STX18: variants seen among roughly 807,000 people sequenced by gnomAD.
The protein encoded by STX18 is syntaxin-18.
Under a neutral mutation model 50.1 loss-of-function variants are expected in STX18, and 40 were observed. The ratio of observed to expected loss-of-function variants is 0.80; its 90% CI spans 0.62 to 1.04. STX18 has a LOEUF of 1.04. Among genes scored for constraint, STX18 ranks in the 50% least tolerant of loss-of-function variants. STX18 has a pLI of 0.00. For missense variants in STX18, 410 were observed against 415.8 expected, an observed-to-expected ratio of 0.99 and a Z score of 0.12; for synonymous variants, 158 against 151.8, an observed-to-expected ratio of 1.04 and a Z score of -0.30.
intron 1 of STX18, among the ~76,000 whole-genome samples, chr4:4,472,683 A>C (rs1296717328): frequency 6.6e-6 from 1 of 151,778 alleles, no homozygotes; most frequent in African/African-American, 2.4e-5. Context: ...TTATATACAC[A>C]CTTCTTTGTC....
chr4:4,485,588 C>T (rs541655626), intron 1 of STX18, among the ~76,000 whole-genome samples: 2 of 152,234 alleles, frequency 1.3e-5, no homozygotes, highest in East Asian at 1.9e-4. Context: ...AAGCAAGATA[C>T]TCTTAGTAGA....
rs142278096 is a variant in STX18 at position 4,524,460 on chromosome 4, T to C, written c.168+17337A>G. Among the ~76,000 whole-genome samples the C allele has an allele frequency of 2.9e-3, 439 of 152,296 alleles. 3 individuals carry two copies. Among genetic ancestry groups the C allele is most frequent in the African/African-American group, 9.7e-3 (402 of 41,554 alleles). Reference sequence around the variant, plus strand: ...TCCTTTTAGTGGCAACAGGAGTGGATTGAGGATAAGAATATCACTCAATTT... The same window carrying C: ...TCCTTTTAGTGGCAACAGGAGTGGACTGAGGATAAGAATATCACTCAATTT... On this transcript the variant is annotated intron_variant, in intron 1 of 10. Coordinates refer to ENST00000306200, the MANE Select transcript of STX18 (RefSeq NM_016930.4).
chr4:4,427,035 TC>T (rs1291254821), intron 7 of STX18, among the ~76,000 whole-genome samples: 2 of 152,146 alleles, frequency 1.3e-5, no homozygotes, highest in African/African-American at 4.8e-5. Context: ...GTTACCAAGT[TC>T]CCCTGTACTT....
rs949936670 is a variant in STX18, at chr4:4,442,497, G to C, written c.498-3988C>G. Among the ~76,000 whole-genome samples the C allele has an allele frequency of 1.3e-5, 2 of 152,096 alleles. 1 individual carries two copies. Among genetic ancestry groups the C allele is most frequent in the Admixed American group, 1.3e-4 (2 of 15,286 alleles). ...CCGGGCGTGGTGGCACGCACCTGTA[G>C]TCCCAGCTACTCAGGAGGCTGAGGT... On this transcript the variant is annotated intron_variant, in intron 5 of 10. Transcript: ENST00000306200.
chr4:4,508,751 C>G (rs1326199106), intron 1 of STX18, among the ~76,000 whole-genome samples: 4 of 152,168 alleles, frequency 2.6e-5, no homozygotes, highest in Non-Finnish European at 4.4e-5. Context: ...GTTGCTCCCC[C>G]ACCATGTGTC....
chr4:4,467,092 C>T (rs1442172730), intron 2 of STX18, among the ~76,000 whole-genome samples: 3 of 152,064 alleles, frequency 2.0e-5, no homozygotes, highest in African/African-American at 7.2e-5. Context: ...CTGAAAATAC[C>T]TCTAACATCA....
At chr4:4,536,113 C>T (rs146274953) in intron 1 of STX18, among the ~76,000 whole-genome samples, 3 of 152,330 alleles carry the variant, frequency 2.0e-5, no homozygotes, top group Non-Finnish European at 4.4e-5. Flanking sequence ...ATAAAAGCTA[C>T]TATTTACTGA....
chr4:4,454,067 G>T (rs921378862), intron 5 of STX18, among the ~76,000 whole-genome samples: 1 of 152,248 alleles, frequency 6.6e-6, no homozygotes, highest in African/African-American at 2.4e-5. Context: ...CTCAGGAGTT[G>T]TCACACTACT....
intron 1 of STX18, among the ~76,000 whole-genome samples, chr4:4,473,453 C>T (rs755477919): frequency 2.0e-5 from 3 of 151,966 alleles, no homozygotes; most frequent in Admixed American, 2.0e-4. Flanking sequence ...CCACCACACC[C>T]GGCTAATTTT....
chr4:4,528,288 G>C (rs895801448), intron 1 of STX18, among the ~76,000 whole-genome samples: 11 of 152,094 alleles, frequency 7.2e-5, no homozygotes, highest in Admixed American at 6.5e-4. Flanking sequence ...AATATTGGAG[G>C]GGGGGCCTGC....
intron 7 of STX18, among the ~76,000 whole-genome samples, chr4:4,433,662 T>G (rs1560161180): frequency 6.6e-6 from 1 of 152,050 alleles, no homozygotes; most frequent in Non-Finnish European, 1.5e-5. Flanking sequence ...TGGGACACAG[T>G]ATCTGGGAGC....
In STX18 at chr4:4,459,064, A is replaced by G. The variant is rs567431418; in HGVS notation, c.352+308T>C. Among the ~76,000 whole-genome samples, 803 of 128,980 alleles carry G rather than the reference A, an allele frequency of 6.2e-3. 8 individuals are homozygous for G. Among genetic ancestry groups the G allele is most frequent in the Admixed American group, 0.016 (186 of 11,990 alleles). The allele number at this position is 128,980 out of a possible 152,430, so 84.6% of individuals were successfully genotyped here. A position where few individuals can be genotyped will look rare whatever the true frequency, so the allele number is the denominator to read the frequency against. ...TGCCACACAGAACACACACACACGC[A>G]CACACACACACACACACACACACAC... is the stretch of plus-strand genomic sequence containing the variant. On this transcript the variant is annotated intron_variant, in intron 3 of 10. Coordinates refer to ENST00000306200, the MANE Select transcript of STX18 (RefSeq NM_016930.4).
chr4:4,462,513 T>C (rs186742641), intron 2 of STX18, among the ~76,000 whole-genome samples: 1 of 152,262 alleles, frequency 6.6e-6, no homozygotes, highest in Non-Finnish European at 1.5e-5. Flanking sequence ...TAGAATTCAG[T>C]GTGCATGAGT....
chr4:4,439,152 A>AC (rs1388906630), intron 5 of STX18, among the ~76,000 whole-genome samples: 9 of 123,484 alleles, frequency 7.3e-5, no homozygotes, highest in South Asian at 6.1e-4. Flanking sequence ...ACATATATAT[A>AC]CCCCCCACAC....
At chr4:4,477,493 C>T (rs1435280313) in intron 1 of STX18, among the ~76,000 whole-genome samples, 4 of 152,152 alleles carry the variant, frequency 2.6e-5, no homozygotes, top group South Asian at 4.1e-4. Flanking sequence ...CCCAGTCAGG[C>T]GGAAGTCCAA....
chr4:4,427,314 C>T (rs1240528789), intron 7 of STX18, among the ~76,000 whole-genome samples: 2 of 152,200 alleles, frequency 1.3e-5, no homozygotes, highest in Non-Finnish European at 2.9e-5. Flanking sequence ...AGCAGGGGGC[C>T]GTGCTGGCTG....
intron 1 of STX18, among the ~76,000 whole-genome samples, chr4:4,496,550 C>T (rs946664466): frequency 2.0e-5 from 3 of 152,210 alleles, no homozygotes; most frequent in African/African-American, 4.8e-5. Flanking sequence ...CATCCACTCT[C>T]CCACACCACC....
intron 2 of STX18, among the ~76,000 whole-genome samples, chr4:4,461,748 G>C (rs1727388104): frequency 6.6e-6 from 1 of 152,152 alleles, no homozygotes; most frequent in African/African-American, 2.4e-5. Flanking sequence ...TGGGCTACCG[G>C]GGGGAATGCT....
At position 4,541,982 on chromosome 4, in the gene STX18, G is replaced by A; in HGVS notation, c.-18C>T. On this transcript the variant is annotated 5_prime_UTR_variant, in exon 1 of 11. Transcript: ENST00000306200. Reference sequence around the variant, plus strand: ...ACCGCCATAGCGACCCGCACCCTCAGCCCCACACTAGGCCCGCCCACGTAA... The same window carrying A: ...ACCGCCATAGCGACCCGCACCCTCAACCCCACACTAGGCCCGCCCACGTAA... 6.3e-7 allele frequency: 1 copy of A among 1,588,200 alleles called. No individual in the cohort carries two copies. Among genetic ancestry groups the A allele is most frequent in the Non-Finnish European group, 8.6e-7 (1 of 1,168,784 alleles).
Sources: allele counts gnomAD v4.1 joint callset (sites outside exome capture counted in the v4.1 genomes callset), GRCh38; gene constraint gnomAD v4.1.1; transcripts MANE v1.5; gene names NCBI Gene and HGNC (gene_info 2026-07-23, HGNC 2026-07-21).